Variants in PAN3 observed in about 807,000 individuals in gnomAD.
PAN3 encodes PAN2-PAN3 deadenylation complex subunit PAN3.
A neutral mutation model predicts 96.2 loss-of-function variants in PAN3; 19 were observed. The ratio of observed to expected loss-of-function variants is 0.20; its 90% CI spans 0.14 to 0.29. The LOEUF (loss-of-function observed/expected upper bound fraction) is 0.29, where lower values mean the gene tolerates loss of function less well. Ranked by LOEUF, PAN3 falls within the 10% of genes least tolerant of loss-of-function variation. The pLI is 1.00. For missense variants in PAN3, 882 were observed against 1,108.1 expected, an observed-to-expected ratio of 0.80 and a Z score of 2.90; for synonymous variants, 433 against 406.6, an observed-to-expected ratio of 1.06 and a Z score of -0.78.
intron 6 of PAN3, among the ~76,000 whole-genome samples, chr13:28,222,961 T>C (rs917988300): frequency 2.0e-5 from 3 of 152,188 alleles, no homozygotes; most frequent in Admixed American, 6.5e-5. Flanking sequence ...TATCTAAATA[T>C]ATTTTTGACC....
At chr13:28,149,208 T>G (rs1871063873) in intron 1 of PAN3, among the ~76,000 whole-genome samples, 1 of 151,982 alleles carries the variant, frequency 6.6e-6, no homozygotes, top group Non-Finnish European at 1.5e-5. Flanking sequence ...TAAAAAAAAT[T>G]AGCTAGGCTT....
chr13:28,142,268 AT>A (rs1349905446), intron 1 of PAN3, among the ~76,000 whole-genome samples: 4 of 152,102 alleles, frequency 2.6e-5, no homozygotes, highest in African/African-American at 7.2e-5. Flanking sequence ...CTTATTGTTC[AT>A]TTTTTAGACT....
At position 28,197,316 on chromosome 13, in the gene PAN3, G is replaced by C; in HGVS notation, c.822G>C (p.Trp274Cys). The change falls in exon 5 of 19, where the codon TGG (tryptophan) becomes TGC (cysteine). Residue 274 changes from tryptophan to cysteine, a missense_variant. By Grantham distance (215) the Trp-to-Cys change is radical. Around this residue, in one of 3 missense-constraint regions of PAN3, gnomAD observed 442 missense variants for 422.8 expected, o/e 1.05. Transcript: ENST00000380958. Reference sequence around the variant, plus strand: ...CAGGAGTACCCATCAATATGGTTTGGTGGAACAGAGTCACAGAAAACAATT... The same window carrying C: ...CAGGAGTACCCATCAATATGGTTTGCTGGAACAGAGTCACAGAAAACAATT... ...CKSGVPINMV[W>C]WNRVTENNLQ... 1.2e-6 allele frequency: 2 copies of C among 1,607,850 alleles called. No homozygotes were observed. Among genetic ancestry groups the C allele is most frequent in the Non-Finnish European group, 1.7e-6 (2 of 1,177,258 alleles).
chr13:28,286,347 C>G (rs529028579), intron 17 of PAN3, among the ~76,000 whole-genome samples: 1 of 152,358 alleles, frequency 6.6e-6, no homozygotes, highest in African/African-American at 2.4e-5. Flanking sequence ...TCAAGCTTCT[C>G]TCTTTCACCC....
At chr13:28,210,298 A>G (rs1187070841) in intron 5 of PAN3, among the ~76,000 whole-genome samples, 1 of 152,164 alleles carries the variant, frequency 6.6e-6, no homozygotes, top group African/African-American at 2.4e-5. Context: ...CCTCCATTCT[A>G]ATGTAAAGCT....
At chr13:28,139,216 A>T in intron 1 of PAN3, 129 bp downstream of exon 1, 1 of 1,071,034 alleles carries the variant, frequency 9.3e-7, no homozygotes, top group Non-Finnish European at 1.2e-6. Context: ...GCGGTCTGAG[A>T]GGCCTAGGCC....
Position 28,281,403 on chromosome 13 carries a change from A to G in PAN3, c.2384+24A>G, listed in dbSNP as rs368641794. ...GAGTAAGGATTTACAGTATTTTACA[A>G]TATATTTTTAATCGAGAGCACTATT... On this transcript the variant is annotated intron_variant, in intron 17 of 18. Coordinates refer to ENST00000380958, the MANE Select transcript of PAN3 (RefSeq NM_175854.8). 3.2e-6 allele frequency: 5 copies of G among 1,571,048 alleles called. No homozygotes were observed. The African/African-American group carries it at 5.4e-5, about 17-fold the overall frequency.
At chr13:28,215,124 C>T in intron 5 of PAN3, 1 of 781,270 alleles carries the variant, frequency 1.3e-6, no homozygotes. Flanking sequence ...CATGCTGGAG[C>T]CAAGTGCTAA....
chr13:28,274,055 C>T (rs1022598377), intron 14 of PAN3, among the ~76,000 whole-genome samples: 6 of 152,156 alleles, frequency 3.9e-5, no homozygotes, highest in South Asian at 4.1e-4. Flanking sequence ...TGTTTGCAGA[C>T]GTTTCACACC....
chr13:28,169,590 T>TA lies in PAN3; in HGVS notation c.431-4674dup, dbSNP rs1296610975. Among the ~76,000 whole-genome samples the TA allele has an allele frequency of 2.6e-5, 4 of 151,880 alleles. No individual in the cohort carries two copies. The East Asian group carries it at 5.8e-4, about 22-fold the overall frequency. ...TGGATATGTGCCTGTTCTTGGTAAT[T>TA]AAAAAAAATTAATATATTTATGATC... On this transcript the variant is annotated intron_variant, in intron 1 of 18. Coordinates refer to ENST00000380958, the MANE Select transcript of PAN3 (RefSeq NM_175854.8).
rs147500152 is a variant in PAN3 at position 28,289,632 on chromosome 13, A to T, written c.2523+1510A>T. Among the ~76,000 whole-genome samples, 1,488 of 152,348 alleles carry T rather than the reference A, an allele frequency of 9.8e-3. 22 individuals are homozygous for T. Among genetic ancestry groups the T allele is most frequent in the African/African-American group, 0.034 (1,399 of 41,574 alleles). On this transcript the variant is annotated intron_variant, in intron 18 of 18. Transcript: ENST00000380958. ...CGCAGTAGCTCGCGCCTGTAATCCC[A>T]GCACTTTGGGAGGCCACGGCGGGCG...
chr13:28,200,054 A>G (rs1246467127), intron 5 of PAN3, among the ~76,000 whole-genome samples: 2 of 152,210 alleles, frequency 1.3e-5, no homozygotes, highest in African/African-American at 4.8e-5. Flanking sequence ...CAGAGAAGCT[A>G]AGTAGCTCTA....
chr13:28,266,954 T>A, intron 10 of PAN3, 78 bp downstream of exon 10: 4 of 1,280,260 alleles, frequency 3.1e-6, no homozygotes, highest in Non-Finnish European at 3.1e-6. Context: ...AATATATTAT[T>A]TAATATATGA....
At chr13:28,157,041 A>G (rs1872272498) in intron 1 of PAN3, among the ~76,000 whole-genome samples, 1 of 150,910 alleles carries the variant, frequency 6.6e-6, no homozygotes, top group Non-Finnish European at 1.5e-5. Context: ...ATGAACAAGT[A>G]GGCTTTACCC....
intron 9 of PAN3, among the ~76,000 whole-genome samples, 183 bp from the exon 10 acceptor site, chr13:28,266,532 A>G (rs1256102453): frequency 6.6e-6 from 1 of 152,174 alleles, no homozygotes; most frequent in Non-Finnish European, 1.5e-5. Flanking sequence ...TATAATGCCT[A>G]TTTTTATTGA....
chr13:28,262,964 A>C (rs1406429996), intron 9 of PAN3, among the ~76,000 whole-genome samples: 1 of 152,246 alleles, frequency 6.6e-6, no homozygotes, highest in East Asian at 1.9e-4. Flanking sequence ...TTAGGAAGAC[A>C]GAACAAGTAA....
intron 6 of PAN3, among the ~76,000 whole-genome samples, chr13:28,254,657 T>TA (rs1289255005): frequency 3.3e-5 from 5 of 152,280 alleles, no homozygotes; most frequent in South Asian, 4.1e-4. Context: ...GAATAGTTTT[T>TA]AAAAAATAAA....
intron 4 of PAN3, among the ~76,000 whole-genome samples, chr13:28,178,900 A>G (rs2138124839): frequency 6.6e-6 from 1 of 152,306 alleles, no homozygotes; most frequent in African/African-American, 2.4e-5. Context: ...TGTATACATT[A>G]AATATGTATA....
chr13:28,219,322 A>G (rs1025227292), intron 5 of PAN3, among the ~76,000 whole-genome samples: 13 of 151,902 alleles, frequency 8.6e-5, no homozygotes, highest in African/African-American at 2.9e-4. Context: ...ATCACTTTTT[A>G]TTTAACTTTA....
Sources: gnomAD v4.1 joint callset for allele counts (sites outside exome capture counted in the v4.1 genomes callset) on GRCh38, gnomAD v4.1.1 for gene constraint, gnomAD v4.1.1 regional missense constraint, MANE v1.5 for transcripts, NCBI Gene and HGNC (gene_info 2026-07-23, HGNC 2026-07-21) for gene names.